ZFP41: variants seen among roughly 807,000 people sequenced by gnomAD.
ZFP41 encodes ZFP41 zinc finger protein.
Under a neutral mutation model 11.6 loss-of-function variants are expected in ZFP41, and 10 were observed. The ratio of observed to expected loss-of-function variants is 0.86; its 90% CI spans 0.53 to 1.47. The LOEUF is 1.47. Among genes scored for constraint, ZFP41 ranks in the 40% most tolerant of loss-of-function variants. The pLI is 0.00. For missense variants in ZFP41, 302 were observed against 264.6 expected (o/e 1.14, Z -0.98); for synonymous variants, 123 against 100.9 (o/e 1.22, Z -1.31).
At position 143,249,924 on chromosome 8, in the gene ZFP41, G is replaced by A. The variant is rs746149251; in HGVS notation, c.81G>A (p.Glu27=). The A allele has an allele frequency of 3.1e-6, 5 of 1,613,680 alleles. No homozygotes were observed. In the African/African-American group the frequency reaches 4.0e-5, roughly 13 times the overall value. The change falls in exon 2 of 3, where the codon GAG becomes GAA. Residue 27 remains glutamate (E), a synonymous_variant. Transcript: ENST00000330701. ...EADVQKSALR[E]EKVSGDRKPP... ...ACGTGCAGAAGAGTGCGCTCAGAGA[G>A]GAGAAGGTGTCCGGGGACAGAAAGC...
chr8:143,250,395 C>A lies in ZFP41; in HGVS notation c.552C>A (p.Ser184=). The A allele has an allele frequency of 1.9e-6, 3 of 1,613,192 alleles. No homozygotes were observed. The highest frequency in any genetic ancestry group is 2.5e-6 in the Non-Finnish European group (3 of 1,179,440). ...THCGKAFAYS[S]CLIRHQKRHP... is the part of the protein sequence containing the mutation. ...GTGGGAAAGCCTTTGCCTACAGCTCCTGTCTCATCCGCCATCAGAAACGCC... is the reference window on the plus strand; with the variant it reads ...GTGGGAAAGCCTTTGCCTACAGCTCATGTCTCATCCGCCATCAGAAACGCC... The change falls in exon 2 of 3, where the codon TCC becomes TCA. Residue 184 remains serine (S), a synonymous_variant. Coordinates refer to ENST00000330701, the MANE Select transcript of ZFP41 (RefSeq NM_173832.6).
At chr8:143,255,409 G>C (rs559998947) in intron 2 of ZFP41, among the ~76,000 whole-genome samples, 1 of 152,198 alleles carries the variant, frequency 6.6e-6, no homozygotes, top group East Asian at 1.9e-4. Context: ...TCTGGTGTTA[G>C]TGAGATCAGA....
chr8:143,256,323 TAGTG>T (rs1262431608), intron 2 of ZFP41, among the ~76,000 whole-genome samples: 1 of 107,752 alleles, frequency 9.3e-6, no homozygotes, highest in East Asian at 2.5e-4. Flanking sequence ...GTGCTGGTGT[TAGTG>T]AGATCAGGGC....
intron 2 of ZFP41, among the ~76,000 whole-genome samples, chr8:143,257,622 C>T (rs932791286): frequency 2.0e-5 from 3 of 152,134 alleles, no homozygotes; most frequent in East Asian, 3.8e-4. Flanking sequence ...AAATTGACAT[C>T]CTCTGGCAAA....
intron 1 of ZFP41, among the ~76,000 whole-genome samples, chr8:143,248,753 C>T (rs1172989235): frequency 6.6e-6 from 1 of 152,162 alleles, no homozygotes; most frequent in Admixed American, 6.5e-5. Context: ...CACACGTGGC[C>T]TTCATCTTCA....
At position 143,249,700 on chromosome 8, in the gene ZFP41, A is replaced by G; in HGVS notation, c.-144A>G. ...CTTGCTTCTCCCCAGCACCAAGAGG[A>G]TGGTGGCCCTTGGCCTCCTGGTGCA... is the stretch of plus-strand genomic sequence containing the variant. On this transcript the variant is annotated 5_prime_UTR_variant, in exon 2 of 3. It removes an upstream start codon present in the reference 5' UTR. Transcript: ENST00000330701. 7 of 1,310,166 alleles carry G rather than the reference A, an allele frequency of 5.3e-6. No individual in the cohort carries two copies. Among genetic ancestry groups the G allele is most frequent in the Non-Finnish European group, 7.1e-6 (7 of 985,512 alleles). The allele number at this position is 1,310,166 out of a possible 1,614,324, so 81.2% of individuals were successfully genotyped here.
intron 2 of ZFP41, among the ~76,000 whole-genome samples, chr8:143,255,541 T>G (rs1814887737): frequency 7.1e-6 from 1 of 140,740 alleles, no homozygotes; most frequent in South Asian, 2.4e-4. Context: ...CGTGCTGGAG[T>G]TAGTGAGATC....
intron 2 of ZFP41, among the ~76,000 whole-genome samples, chr8:143,252,038 C>T (rs1223668535): frequency 6.6e-6 from 1 of 152,190 alleles, no homozygotes; most frequent in Non-Finnish European, 1.5e-5. Flanking sequence ...CGGCTCCCAG[C>T]CTCTCTCATG....
intron 2 of ZFP41, among the ~76,000 whole-genome samples, chr8:143,254,540 G>A (rs1041533143): frequency 5.3e-5 from 8 of 152,080 alleles, no homozygotes; most frequent in African/African-American, 1.7e-4. Context: ...AGACGGGCAC[G>A]CATTCCCTGG....
At chr8:143,256,073 G>A (rs1468933448) in intron 2 of ZFP41, among the ~76,000 whole-genome samples, 1 of 58,680 alleles carries the variant, frequency 1.7e-5, no homozygotes, top group Non-Finnish European at 3.0e-5. Context: ...GGCTCACCCC[G>A]CGTGCTGGTG....
intron 1 of ZFP41, chr8:143,249,296 TG>T (rs1816748834): frequency 6.5e-6 from 1 of 153,252 alleles, no homozygotes; most frequent in Non-Finnish European, 1.5e-5. Context: ...CACTCTCCAC[TG>T]GGCACGTGTG....
Position 143,251,764 on chromosome 8 carries a change from G to A in ZFP41, c.*900+424G>A, listed in dbSNP as rs113798565. Among the ~76,000 whole-genome samples, 107 of 152,328 alleles carry A rather than the reference G, an allele frequency of 7.0e-4. 1 individual carries two copies. The highest frequency in any genetic ancestry group is 2.5e-3 in the African/African-American group (102 of 41,560). On this transcript the variant is annotated intron_variant, in intron 2 of 2. Coordinates refer to ENST00000330701, the MANE Select transcript of ZFP41 (RefSeq NM_173832.6). ...TTTTCCTGCCGCGGTCTTTCTGAGG[G>A]CTGTAATATTCCTGCCTGTCTGTGT...
rs562729349 is a variant in ZFP41, at chr8:143,250,288, G to A, written c.445G>A (p.Gly149Arg). 1.7e-5 allele frequency: 28 copies of A among 1,614,084 alleles called. No individual in the cohort carries two copies. The South Asian group carries it at 2.0e-4, about 11-fold the overall frequency. The change falls in exon 2 of 3, where the codon GGG becomes AGG. Residue 149 changes from glycine to arginine, a missense_variant. By Grantham distance (125) the Gly-to-Arg change is moderately radical. Coordinates refer to ENST00000330701, the MANE Select transcript of ZFP41 (RefSeq NM_173832.6). ...GEKPFKCGEC[G>R]KAFNCGSNLL... ...GAAGCCCTTCAAATGCGGGGAGTGC[G>A]GGAAAGCCTTTAACTGCGGCTCCAA...
rs1816773767 is a variant in ZFP41 at position 143,250,183 on chromosome 8, C to G, written c.340C>G (p.Pro114Ala). 1 of 1,613,972 alleles carries G rather than the reference C, an allele frequency of 6.2e-7. No homozygotes were observed. The highest frequency in any genetic ancestry group is 1.3e-5 in the African/African-American group (1 of 74,892). Residue 114 changes from proline (P) to alanine (A), a missense_variant, in exon 2 of 3, where the codon CCC becomes GCC. Transcript: ENST00000330701. ...RHQRVHTGEKPFKCAQCGKAF... is the reference protein window; with the variant it reads ...RHQRVHTGEKAFKCAQCGKAF... ...TCAGAGGGTCCACACTGGAGAGAAG[C>G]CCTTCAAGTGTGCGCAGTGCGGGAA...
chr8:143,251,506 G>C (rs1814753567), intron 2 of ZFP41, among the ~76,000 whole-genome samples, 166 bp downstream of exon 2: 1 of 152,234 alleles, frequency 6.6e-6, no homozygotes, highest in Admixed American at 6.5e-5. Flanking sequence ...TAAACCAGGA[G>C]GTAAGGTTTT....
intron 1 of ZFP41, chr8:143,247,815 T>C (rs1429467622): frequency 6.6e-6 from 1 of 152,302 alleles, no homozygotes; most frequent in Non-Finnish European, 1.5e-5. Context: ...TTTTTTGTTT[T>C]GGTTTGGTTT....
chr8:143,248,231 A>G (rs1001720717), intron 1 of ZFP41: 1 of 152,202 alleles, frequency 6.6e-6, no homozygotes, highest in African/African-American at 2.4e-5. Context: ...GAGTCGACAG[A>G]GCCGTTATGG....
intron 2 of ZFP41, chr8:143,253,668 C>T (rs1814833996): frequency 6.6e-6 from 1 of 152,254 alleles, no homozygotes; most frequent in South Asian, 2.1e-4. Context: ...GTTTGGACGT[C>T]TGTCCCCTCC....
intron 1 of ZFP41, chr8:143,247,805 T>C (rs1199398642): frequency 6.6e-6 from 1 of 151,810 alleles, no homozygotes; most frequent in Non-Finnish European, 1.5e-5. Context: ...GCGTGTGGGG[T>C]TTTTTGTTTT....
Sources: gnomAD v4.1 joint callset for allele counts (sites outside exome capture counted in the v4.1 genomes callset) on GRCh38, gnomAD v4.1.1 for gene constraint, MANE v1.5 for transcripts, NCBI Gene and HGNC (gene_info 2026-07-23, HGNC 2026-07-21) for gene names.